ZMAT4: variants seen among roughly 807,000 people sequenced by gnomAD.
The protein encoded by ZMAT4 is zinc finger matrin-type 4.
ZMAT4 carries 17 observed loss-of-function variants against 28.7 expected under a neutral mutation model. The ratio of observed to expected loss-of-function variants is 0.59; its 90% CI spans 0.41 to 0.89. The LOEUF (loss-of-function observed/expected upper bound fraction) is 0.89. ZMAT4 is among the 40% of genes least tolerant of loss of function. The probability of loss-of-function intolerance (pLI) is 0.00; values close to 1 mark genes in which losing one functional copy is unlikely to be tolerated. For synonymous variants in ZMAT4, 117 were observed against 109.2 expected, an observed-to-expected ratio of 1.07 and a Z score of -0.44; for missense variants, 240 against 283.8, an observed-to-expected ratio of 0.85 and a Z score of 1.11.
In ZMAT4 at chr8:40,552,959, T is replaced by C. The variant is rs78109263; in HGVS notation, c.675-20721A>G. Among the ~76,000 whole-genome samples, 386 of 152,258 alleles carry C rather than the reference T, an allele frequency of 2.5e-3. 2 individuals are homozygous for C. Among genetic ancestry groups the C allele is most frequent in the African/African-American group, 8.6e-3 (359 of 41,556 alleles). On this transcript the variant is annotated intron_variant, in intron 6 of 6. Coordinates refer to ENST00000297737, the MANE Select transcript of ZMAT4 (RefSeq NM_024645.3). ...TTCCATTATTGGAAAGCTAAGCACG[T>C]GGGAGTTATTTATATCCTGCTGCTC...
At chr8:40,679,215 T>C (rs1427954028) in intron 4 of ZMAT4, among the ~76,000 whole-genome samples, 1 of 152,190 alleles carries the variant, frequency 6.6e-6, no homozygotes, top group Non-Finnish European at 1.5e-5. Context: ...TCAGCTGCTG[T>C]CACCTGTTGG....
At chr8:40,534,677 C>CT (rs34915339) in intron 6 of ZMAT4, among the ~76,000 whole-genome samples, 990 of 87,200 alleles carry the variant, frequency 0.011, 1 homozygote, top group African/African-American at 0.02. Context: ...CATTTGCTAC[C>CT]TTTTTTTTTT....
At chr8:40,821,938 T>G (rs1202584930) in intron 2 of ZMAT4, among the ~76,000 whole-genome samples, 1 of 152,232 alleles carries the variant, frequency 6.6e-6, no homozygotes, top group African/African-American at 2.4e-5. Context: ...AACCCATTTG[T>G]GGAGGCATGG....
intron 5 of ZMAT4, among the ~76,000 whole-genome samples, chr8:40,613,545 C>T (rs1483603116): frequency 6.6e-6 from 1 of 152,104 alleles, no homozygotes; most frequent in East Asian, 1.9e-4. Flanking sequence ...TGTATATTTA[C>T]TACTTTATTC....
intron 1 of ZMAT4, among the ~76,000 whole-genome samples, chr8:40,887,429 C>T (rs1417337111): frequency 1.3e-5 from 2 of 149,322 alleles, no homozygotes; most frequent in Admixed American, 1.3e-4. Flanking sequence ...GCAGAGGTTG[C>T]AGTGAGCTGA....
intron 3 of ZMAT4, among the ~76,000 whole-genome samples, chr8:40,720,523 CTT>C (rs1307193398): frequency 4.2e-4 from 48 of 113,092 alleles, no homozygotes; most frequent in African/African-American, 1.2e-3. Flanking sequence ...TGGGTAGAAT[CTT>C]TTTTTTTTTT....
chr8:40,762,797 A>G (rs1035331455), intron 3 of ZMAT4, among the ~76,000 whole-genome samples: 1 of 152,364 alleles, frequency 6.6e-6, no homozygotes, highest in Admixed American at 6.5e-5. Context: ...GGCCCTGCCC[A>G]TGCCTCAATT....
chr8:40,855,283 G>C (rs536811389), intron 1 of ZMAT4, among the ~76,000 whole-genome samples: 5 of 152,028 alleles, frequency 3.3e-5, no homozygotes, highest in African/African-American at 1.2e-4. Flanking sequence ...GCATCCTAAC[G>C]GAGCCCACTG....
intron 5 of ZMAT4, among the ~76,000 whole-genome samples, chr8:40,623,728 G>A (rs1232978748): frequency 1.3e-5 from 2 of 152,136 alleles, no homozygotes; most frequent in Admixed American, 6.5e-5. Context: ...GAGAGACAAA[G>A]TTATCCTAGA....
intron 6 of ZMAT4, among the ~76,000 whole-genome samples, chr8:40,532,834 A>G (rs1246773090): frequency 2.0e-5 from 3 of 152,104 alleles, no homozygotes; most frequent in Non-Finnish European, 4.4e-5. Flanking sequence ...CGTCTCTACT[A>G]AAAATACAAA....
At chr8:40,822,885 C>T (rs1215552783) in intron 2 of ZMAT4, among the ~76,000 whole-genome samples, 1 of 152,152 alleles carries the variant, frequency 6.6e-6, no homozygotes, top group Non-Finnish European at 1.5e-5. Context: ...GCTTTATTTT[C>T]TCTATGTCAT....
At chr8:40,887,685 A>C (rs1818511449) in intron 1 of ZMAT4, among the ~76,000 whole-genome samples, 1 of 152,114 alleles carries the variant, frequency 6.6e-6, no homozygotes, top group African/African-American at 2.4e-5. Flanking sequence ...TTGCATTCTC[A>C]ACAGGAACAA....
At chr8:40,656,943 T>C (rs921701893) in intron 5 of ZMAT4, among the ~76,000 whole-genome samples, 4 of 152,174 alleles carry the variant, frequency 2.6e-5, no homozygotes, top group African/African-American at 9.7e-5. Context: ...AGTTGCACAA[T>C]CTCATGAATA....
intron 5 of ZMAT4, among the ~76,000 whole-genome samples, chr8:40,628,321 G>C (rs760552343): frequency 1.3e-5 from 2 of 152,174 alleles, no homozygotes; most frequent in Non-Finnish European, 2.9e-5. Context: ...TAAAAAGATT[G>C]TTAACACTGA....
rs34726845 is a variant in ZMAT4, at chr8:40,807,138, C to CA, written c.102+18436dup. ...GCAGGGGGAGGTAGTGGGGTGAGGA[C>CA]AAAAAAAAAAAAAAAAAAGTCAGCC... On this transcript the variant is annotated intron_variant, in intron 2 of 6. Coordinates refer to ENST00000297737, the MANE Select transcript of ZMAT4 (RefSeq NM_024645.3). Among the ~76,000 whole-genome samples, 430 of 90,246 alleles carry CA rather than the reference C, an allele frequency of 4.8e-3. 18 individuals carry two copies. The highest frequency in any genetic ancestry group is 0.012 in the African/African-American group (271 of 22,352). 59.2% of individuals were successfully genotyped at this position (90,246 alleles called of 152,430 possible). A position where few individuals can be genotyped will look rare whatever the true frequency, so the allele number is the denominator to read the frequency against.
At chr8:40,700,256 A>AC (rs1016822057) in intron 3 of ZMAT4, among the ~76,000 whole-genome samples, 3 of 151,772 alleles carry the variant, frequency 2.0e-5, no homozygotes, top group Admixed American at 2.0e-4. Context: ...TAAAAAAAAA[A>AC]CATTAATGTA....
At chr8:40,807,136 G>GAA (rs374114091) in intron 2 of ZMAT4, among the ~76,000 whole-genome samples, 17 of 68,942 alleles carry the variant, frequency 2.5e-4, no homozygotes, top group African/African-American at 5.1e-4. Context: ...GTGGGGTGAG[G>GAA]ACAAAAAAAA....
At chr8:40,821,068 G>T (rs1459696561) in intron 2 of ZMAT4, among the ~76,000 whole-genome samples, 1 of 145,216 alleles carries the variant, frequency 6.9e-6, no homozygotes. Context: ...TTGGTGGTTT[G>T]GGGATGGGTG....
chr8:40,834,009 C>T (rs1482067829), intron 1 of ZMAT4, among the ~76,000 whole-genome samples: 3 of 152,214 alleles, frequency 2.0e-5, no homozygotes, highest in Non-Finnish European at 4.4e-5. Flanking sequence ...TCCTGCCTGG[C>T]GTTGCCAGGA....
Sources: gnomAD v4.1 joint callset for allele counts (sites outside exome capture counted in the v4.1 genomes callset) on GRCh38, gnomAD v4.1.1 for gene constraint, MANE v1.5 for transcripts, NCBI Gene and HGNC (gene_info 2026-07-23, HGNC 2026-07-21) for gene names.